LINGO2: variants seen among roughly 807,000 people sequenced by gnomAD.
LINGO2 encodes leucine-rich repeat and immunoglobulin-like domain-containing nogo receptor-interacting protein 2.
LINGO2 carries 14 observed loss-of-function variants against 30.6 expected under a neutral mutation model. The observed-to-expected ratio is 0.46, with a 90% CI of 0.30 to 0.72. The LOEUF is 0.72. LINGO2 is among the 30% of genes least tolerant of loss of function. The pLI is 0.07. For synonymous variants in LINGO2, 317 were observed against 288.5 expected, an observed-to-expected ratio of 1.10 and a Z score of -1.00; for missense variants, 729 against 751.7, an observed-to-expected ratio of 0.97 and a Z score of 0.35.
chr9:28,406,745 C>A (rs1822530991), intron 2 of LINGO2, among the ~76,000 whole-genome samples: 1 of 152,120 alleles, frequency 6.6e-6, no homozygotes, highest in Non-Finnish European at 1.5e-5. Context: ...CTTATTTGTT[C>A]TTTAAGGACC....
At chr9:28,463,970 T>C (rs1825190730) in intron 2 of LINGO2, among the ~76,000 whole-genome samples, 1 of 152,170 alleles carries the variant, frequency 6.6e-6, no homozygotes, top group Non-Finnish European at 1.5e-5. Context: ...ACATTATGCC[T>C]GTATAAGGAG....
intron 4 of LINGO2, among the ~76,000 whole-genome samples, chr9:28,160,576 C>A (rs549351130): frequency 6.6e-6 from 1 of 152,268 alleles, no homozygotes; most frequent in African/African-American, 2.4e-5. Context: ...CTCCTGCCCC[C>A]CTTCTGCTCT....
the LINGO2 span, among the ~76,000 whole-genome samples, chr9:28,979,399 G>A: frequency 6.6e-6 from 1 of 151,992 alleles, no homozygotes; most frequent in Non-Finnish European, 1.5e-5. Context: ...CAAAAAGAGA[G>A]CTGATGCTGG....
chr9:28,646,934 T>G (rs184077150), intron 1 of LINGO2, among the ~76,000 whole-genome samples: 1 of 152,250 alleles, frequency 6.6e-6, no homozygotes, highest in East Asian at 1.9e-4. Context: ...ACCGAATGCA[T>G]TGAGAACATA....
At chr9:28,865,066 A>G in the LINGO2 span, among the ~76,000 whole-genome samples, 4 of 152,296 alleles carry the variant, frequency 2.6e-5, no homozygotes, top group South Asian at 2.1e-4. Context: ...GAACTGAAAG[A>G]GTAGCAGGAA....
intron 4 of LINGO2, among the ~76,000 whole-genome samples, chr9:28,257,788 T>A (rs766640924): frequency 6.6e-6 from 1 of 151,918 alleles, no homozygotes; most frequent in Non-Finnish European, 1.5e-5. Flanking sequence ...CAAATGCTGA[T>A]CTCTCCTGTT....
the LINGO2 span, among the ~76,000 whole-genome samples, chr9:29,191,079 TGAGA>T: frequency 3.3e-5 from 5 of 152,158 alleles, no homozygotes; most frequent in East Asian, 7.7e-4. Context: ...GACCACGGTG[TGAGA>T]GAGAAATACC....
At chr9:28,645,903 C>T (rs956959516) in intron 1 of LINGO2, among the ~76,000 whole-genome samples, 2 of 152,090 alleles carry the variant, frequency 1.3e-5, no homozygotes, top group Non-Finnish European at 2.9e-5. Flanking sequence ...TGCTTTAGAG[C>T]TAAACAGACA....
At chr9:28,335,988 T>C (rs1825576540) in intron 3 of LINGO2, among the ~76,000 whole-genome samples, 1 of 152,114 alleles carries the variant, frequency 6.6e-6, no homozygotes, top group African/African-American at 2.4e-5. Context: ...GTAGGTTTAA[T>C]TTCTTTTTTA....
intron 2 of LINGO2, among the ~76,000 whole-genome samples, chr9:28,394,662 TAGGTAG>T (rs1250791604): frequency 6.6e-6 from 1 of 152,050 alleles, no homozygotes; most frequent in Non-Finnish European, 1.5e-5. Context: ...TGTATGGGGG[TAGGTAG>T]AGGTAACAGG....
At chr9:28,299,120 T>A (rs1236581786) in intron 3 of LINGO2, among the ~76,000 whole-genome samples, 3 of 152,160 alleles carry the variant, frequency 2.0e-5, no homozygotes, top group Non-Finnish European at 2.9e-5. Context: ...ATACGTTATC[T>A]CAGCTTCATC....
At chr9:28,474,653 G>A (rs1825657620) in intron 2 of LINGO2, among the ~76,000 whole-genome samples, 1 of 152,094 alleles carries the variant, frequency 6.6e-6, no homozygotes, top group Non-Finnish European at 1.5e-5. Context: ...CCATACAACA[G>A]GTTTGTTACT....
chr9:27,953,165 G>A (rs1163535827), intron 5 of LINGO2, among the ~76,000 whole-genome samples: 5 of 152,036 alleles, frequency 3.3e-5, no homozygotes, highest in African/African-American at 7.2e-5. Context: ...GAATTAACAA[G>A]GGTAGAAGAA....
intron 4 of LINGO2, among the ~76,000 whole-genome samples, chr9:28,230,091 T>C (rs1821305133): frequency 6.6e-6 from 1 of 151,870 alleles, no homozygotes; most frequent in Admixed American, 6.6e-5. Context: ...TTAAAATAAC[T>C]ATCAACGTCA....
At chr9:27,962,543 CT>C (rs1187231457) in intron 5 of LINGO2, among the ~76,000 whole-genome samples, 1 of 152,138 alleles carries the variant, frequency 6.6e-6, no homozygotes, top group Non-Finnish European at 1.5e-5. Context: ...TCTGGAACTG[CT>C]CCCCCCCTTC....
At chr9:29,180,190 T>C in the LINGO2 span, among the ~76,000 whole-genome samples, 1 of 152,162 alleles carries the variant, frequency 6.6e-6, no homozygotes, top group South Asian at 2.1e-4. Flanking sequence ...AACATGACAA[T>C]GGAGAGCAAC....
intron 2 of LINGO2, among the ~76,000 whole-genome samples, chr9:28,438,863 T>A (rs1028552405): frequency 6.8e-6 from 1 of 146,108 alleles, no homozygotes; most frequent in African/African-American, 2.5e-5. Flanking sequence ...GAGATATATA[T>A]ATTTATACAT....
At chr9:29,043,332 G>GT in the LINGO2 span, among the ~76,000 whole-genome samples, 2 of 151,968 alleles carry the variant, frequency 1.3e-5, no homozygotes, top group African/African-American at 2.4e-5. Context: ...TCTTATGAAA[G>GT]TAACTTAGAA....
At chr9:28,730,192 A>G in the LINGO2 span, among the ~76,000 whole-genome samples, 1 of 152,174 alleles carries the variant, frequency 6.6e-6, no homozygotes, top group Non-Finnish European at 1.5e-5. Context: ...GGGAATAGCC[A>G]GTGATCCAGC....
Sources: gnomAD v4.1 joint callset for allele counts (sites outside exome capture counted in the v4.1 genomes callset) on GRCh38, gnomAD v4.1.1 for gene constraint, MANE v1.5 for transcripts, NCBI Gene and HGNC (gene_info 2026-07-23, HGNC 2026-07-21) for gene names.